CFAP95: variants seen among roughly 807,000 people sequenced by gnomAD.
CFAP95 encodes the protein cilia- and flagella-associated protein 95.
chr9:69,826,597 T>C, the CFAP95 span, among the ~76,000 whole-genome samples: 1 of 152,336 alleles, frequency 6.6e-6, no homozygotes, highest in East Asian at 1.9e-4. Flanking sequence ...TCTTTCTGCC[T>C]TTAACATAGA....
At chr9:69,863,501 A>T in the CFAP95 span, among the ~76,000 whole-genome samples, 1 of 152,202 alleles carries the variant, frequency 6.6e-6, no homozygotes, top group African/African-American at 2.4e-5. Flanking sequence ...ACTTAATTTG[A>T]AAGTACTCTT....
chr9:69,895,701 C>G, the CFAP95 span, among the ~76,000 whole-genome samples: 1 of 152,234 alleles, frequency 6.6e-6, no homozygotes, highest in South Asian at 2.1e-4. Flanking sequence ...TCTTAATTCT[C>G]AGGAAACGGA....
At chr9:69,833,399 G>T in the CFAP95 span, among the ~76,000 whole-genome samples, 1 of 151,890 alleles carries the variant, frequency 6.6e-6, no homozygotes, top group Non-Finnish European at 1.5e-5. Context: ...ACGGGGTTTC[G>T]CCATGTTGGG....
the CFAP95 span, among the ~76,000 whole-genome samples, chr9:69,829,431 G>A: frequency 6.6e-6 from 1 of 152,162 alleles, no homozygotes; most frequent in African/African-American, 2.4e-5. Context: ...AAATAAAATC[G>A]TTTTACATGC....
chr9:69,836,783 G>T, the CFAP95 span, among the ~76,000 whole-genome samples: 1 of 147,788 alleles, frequency 6.8e-6, no homozygotes, highest in Non-Finnish European at 1.5e-5. Context: ...ACATTGTGCA[G>T]GTTAGTTACA....
the CFAP95 span, among the ~76,000 whole-genome samples, chr9:69,871,534 G>A: frequency 6.6e-6 from 1 of 151,764 alleles, no homozygotes; most frequent in Non-Finnish European, 1.5e-5. Flanking sequence ...TTAAGTGATG[G>A]TGATGTGGAG....
chr9:69,837,253 G>A, the CFAP95 span, among the ~76,000 whole-genome samples: 2 of 152,140 alleles, frequency 1.3e-5, no homozygotes, highest in African/African-American at 2.4e-5. Context: ...CCCAGTAATG[G>A]GATGGCTGGG....
chr9:69,827,478 A>G, the CFAP95 span, among the ~76,000 whole-genome samples: 1 of 152,222 alleles, frequency 6.6e-6, no homozygotes, highest in Non-Finnish European at 1.5e-5. Context: ...GTTTTAGGTT[A>G]AAATAGTCTC....
chr9:69,833,642 CCTT>C, the CFAP95 span, among the ~76,000 whole-genome samples: 1 of 152,184 alleles, frequency 6.6e-6, no homozygotes, highest in Non-Finnish European at 1.5e-5. Context: ...TCTCAGCACT[CCTT>C]CTACTTGGCC....
At chr9:69,866,611 C>T in the CFAP95 span, among the ~76,000 whole-genome samples, 3 of 152,310 alleles carry the variant, frequency 2.0e-5, no homozygotes, top group East Asian at 5.8e-4. Flanking sequence ...ATCTTCTTTA[C>T]TCAGTCCACT....
chr9:69,848,706 G>T, the CFAP95 span, among the ~76,000 whole-genome samples: 1 of 152,188 alleles, frequency 6.6e-6, no homozygotes, highest in South Asian at 2.1e-4. Context: ...AGCCAACTGT[G>T]CCCCCTGTTC....
chr9:69,895,028 A>C, the CFAP95 span, among the ~76,000 whole-genome samples: 1 of 151,816 alleles, frequency 6.6e-6, no homozygotes, highest in African/African-American at 2.4e-5. Context: ...AGGGTTAGAC[A>C]GTGTGATGGT....
the CFAP95 span, among the ~76,000 whole-genome samples, chr9:69,847,718 T>C: frequency 6.6e-6 from 1 of 152,312 alleles, no homozygotes; most frequent in Non-Finnish European, 1.5e-5. Context: ...TCTGAATGCC[T>C]TCTTAACATT....
chr9:69,820,875 C>T, the CFAP95 span: 2 of 1,613,724 alleles, frequency 1.2e-6, no homozygotes, highest in South Asian at 1.1e-5. Context: ...ACCTCGAGGG[C>T]TCCCATGGAT....
At chr9:69,899,701 GT>G in the CFAP95 span, among the ~76,000 whole-genome samples, 5 of 152,190 alleles carry the variant, frequency 3.3e-5, no homozygotes, top group African/African-American at 9.7e-5. Flanking sequence ...CTGAACACCT[GT>G]TTCCTTCTGG....
chr9:69,822,297 TC>T, the CFAP95 span, among the ~76,000 whole-genome samples: 1 of 152,258 alleles, frequency 6.6e-6, no homozygotes, highest in Non-Finnish European at 1.5e-5. Flanking sequence ...TTCATCCCAT[TC>T]ATTCATGTAA....
chr9:69,878,223 C>T, the CFAP95 span, among the ~76,000 whole-genome samples: 2 of 152,084 alleles, frequency 1.3e-5, no homozygotes, highest in Non-Finnish European at 2.9e-5. Flanking sequence ...TTTTCTTTAC[C>T]TTCTAGTTGT....
the CFAP95 span, chr9:69,905,867 A>G: frequency 6.0e-6 from 6 of 1,007,318 alleles, no homozygotes; most frequent in Non-Finnish European, 6.8e-6. Context: ...CAATCATAAG[A>G]ATAATATATG....
the CFAP95 span, among the ~76,000 whole-genome samples, chr9:69,872,063 G>C: frequency 1.3e-5 from 2 of 152,318 alleles, no homozygotes; most frequent in African/African-American, 4.8e-5. Context: ...ACTCAGAGGG[G>C]TAAAGTGACT....
Sources: gnomAD v4.1 joint callset for allele counts (sites outside exome capture counted in the v4.1 genomes callset) on GRCh38, gnomAD v4.1.1 for gene constraint, MANE v1.5 for transcripts, NCBI Gene and HGNC (gene_info 2026-07-23, HGNC 2026-07-21) for gene names.